Variants in PCDH9 observed in about 807,000 individuals in gnomAD.
The protein encoded by PCDH9 is protocadherin-9.
PCDH9 carries 24 observed loss-of-function variants against 70.6 expected under a neutral mutation model. That is an observed-to-expected ratio of 0.34 (90% confidence interval 0.25 to 0.48). The LOEUF (loss-of-function observed/expected upper bound fraction) is 0.48. Among genes scored for constraint, PCDH9 ranks in the 20% least tolerant of loss-of-function variants. The probability of loss-of-function intolerance (pLI) is 0.99; values close to 1 mark genes in which losing one functional copy is unlikely to be tolerated. For synonymous variants in PCDH9, 562 were observed against 558.5 expected (o/e 1.01, Z -0.09); for missense variants, 1,281 against 1,503.6 (o/e 0.85, Z 2.45).
intron 3 of PCDH9, among the ~76,000 whole-genome samples, chr13:66,678,902 T>C (rs141258136): frequency 6.6e-6 from 1 of 151,578 alleles, no homozygotes; most frequent in African/African-American, 2.4e-5. Context: ...TAGTGAACAC[T>C]CAAAAGAAAA....
chr13:66,408,153 G>A (rs1008584725), intron 4 of PCDH9, among the ~76,000 whole-genome samples: 1 of 149,920 alleles, frequency 6.7e-6, no homozygotes, highest in Non-Finnish European at 1.5e-5. Context: ...CCGCTTCCCG[G>A]GTTCACGCCA....
At chr13:66,948,218 TTA>T (rs1357875156) in intron 2 of PCDH9, among the ~76,000 whole-genome samples, 8 of 152,116 alleles carry the variant, frequency 5.3e-5, no homozygotes, top group Non-Finnish European at 1.2e-4. Flanking sequence ...TTCACAGACT[TTA>T]AACTGTATAA....
intron 3 of PCDH9, among the ~76,000 whole-genome samples, chr13:66,720,471 T>G (rs1226565788): frequency 6.6e-6 from 1 of 151,906 alleles, no homozygotes; most frequent in Non-Finnish European, 1.5e-5. Flanking sequence ...CCTCATTTCC[T>G]AGATTTCATT....
chr13:66,498,720 AT>A (rs1024669748), intron 4 of PCDH9, among the ~76,000 whole-genome samples: 12 of 151,926 alleles, frequency 7.9e-5, no homozygotes, highest in Non-Finnish European at 1.5e-4. Context: ...TCCTGAAAAA[AT>A]TTTTTTTTAA....
chr13:66,532,162 T>C (rs1163127112), intron 4 of PCDH9, among the ~76,000 whole-genome samples: 3 of 145,056 alleles, frequency 2.1e-5, no homozygotes, highest in Non-Finnish European at 4.6e-5. Context: ...AGCTATTTTT[T>C]AGTGGTTTTT....
At chr13:66,991,217 A>G (rs1014419683) in intron 2 of PCDH9, 5 of 152,210 alleles carry the variant, frequency 3.3e-5, no homozygotes, top group Admixed American at 3.3e-4. Context: ...AGCAGGTGTA[A>G]ACCCAATTTT....
chr13:67,151,024 A>G (rs976389169), intron 2 of PCDH9, among the ~76,000 whole-genome samples: 2 of 152,160 alleles, frequency 1.3e-5, no homozygotes, highest in Non-Finnish European at 2.9e-5. Flanking sequence ...AACATGCACC[A>G]TATATGAATT....
At chr13:66,305,624 C>T (rs1036000803) in intron 4 of PCDH9, among the ~76,000 whole-genome samples, 14 of 151,934 alleles carry the variant, frequency 9.2e-5, no homozygotes, top group Non-Finnish European at 1.9e-4. Flanking sequence ...GTTAAATACT[C>T]ATTTTAAAGA....
chr13:67,227,531 C>A lies in PCDH9; in HGVS notation c.910G>T (p.Ala304Ser). The A allele has an allele frequency of 6.2e-7, 1 of 1,613,912 alleles. No homozygotes were observed. The highest frequency in any genetic ancestry group is 8.5e-7 in the Non-Finnish European group (1 of 1,179,826). Residue 304 changes from alanine (A) to serine (S), a missense_variant, in exon 2 of 5, where the codon GCT (alanine) becomes TCT (serine). Around this residue, in one of 4 missense-constraint regions of PCDH9, gnomAD observed 798 missense variants for 1,003.1 expected, o/e 0.80. Coordinates refer to ENST00000377865, the MANE Select transcript of PCDH9 (RefSeq NM_203487.3). This position sits in a 1 kb window ranked among gnomAD's most constrained non-coding sequence, Gnocchi z 4.6. Reference sequence around the variant, plus strand: ...ATCAGCCCAGTAGTATTATTTAAAGCAAAGAGTCTTTTGGTTGCAGGGGCG... The same window carrying A: ...ATCAGCCCAGTAGTATTATTTAAAGAAAAGAGTCTTTTGGTTGCAGGGGCG... ...QVAPATKRLFALNNTTGLITV... is the reference protein window; with the variant it reads ...QVAPATKRLFSLNNTTGLITV...
chr13:66,476,179 G>A (rs1228841786), intron 4 of PCDH9, among the ~76,000 whole-genome samples: 4 of 151,952 alleles, frequency 2.6e-5, no homozygotes, highest in Non-Finnish European at 5.9e-5. Flanking sequence ...AAGCCAAAAA[G>A]TTTGTTTATT....
intron 2 of PCDH9, among the ~76,000 whole-genome samples, chr13:67,007,762 G>T (rs2084380569): frequency 6.6e-6 from 1 of 152,110 alleles, no homozygotes; most frequent in Non-Finnish European, 1.5e-5. Context: ...CAAATCCCAG[G>T]ACTGATGCAT....
chr13:66,949,986 G>A (rs575838435), intron 2 of PCDH9, among the ~76,000 whole-genome samples: 19 of 152,068 alleles, frequency 1.2e-4, no homozygotes, highest in African/African-American at 3.9e-4. Flanking sequence ...ATGTCTTCTA[G>A]GTTCGATATT....
chr13:67,101,184 T>C (rs1453054756), intron 2 of PCDH9, among the ~76,000 whole-genome samples: 2 of 152,228 alleles, frequency 1.3e-5, no homozygotes, highest in African/African-American at 2.4e-5. Context: ...GATTCTCCTA[T>C]AGCTATTGAT....
intron 4 of PCDH9, among the ~76,000 whole-genome samples, chr13:66,479,232 A>G (rs1313027993): frequency 6.6e-6 from 1 of 152,196 alleles, no homozygotes; most frequent in Non-Finnish European, 1.5e-5. Flanking sequence ...CTTTCCAAAT[A>G]TTACTGCTTA....
rs187302833 is a variant in PCDH9 at position 66,919,781 on chromosome 13, G to C, written c.3037-16176C>G. On this transcript the variant is annotated intron_variant, in intron 2 of 4. Coordinates refer to ENST00000377865, the MANE Select transcript of PCDH9 (RefSeq NM_203487.3). Reference sequence around the variant, plus strand: ...CCTCTTCTGCCTGTCAAGGAAGGTGGACAAGAAACTCAAATGAGATAATTA... The same window carrying C: ...CCTCTTCTGCCTGTCAAGGAAGGTGCACAAGAAACTCAAATGAGATAATTA... Among the ~76,000 whole-genome samples the C allele has an allele frequency of 2.1e-3, 322 of 150,996 alleles. 4 individuals are homozygous for C. The highest frequency in any genetic ancestry group is 7.3e-3 in the African/African-American group (303 of 41,374).
At chr13:66,691,714 T>C (rs1306687088) in intron 3 of PCDH9, among the ~76,000 whole-genome samples, 1 of 152,158 alleles carries the variant, frequency 6.6e-6, no homozygotes, top group Non-Finnish European at 1.5e-5. Flanking sequence ...CTATTGAAAT[T>C]GAGCTCTTTA....
intron 2 of PCDH9, among the ~76,000 whole-genome samples, chr13:66,932,615 A>G (rs2082830330): frequency 6.7e-6 from 1 of 148,202 alleles, no homozygotes; most frequent in African/African-American, 2.5e-5. Flanking sequence ...TGGGGGAAAA[A>G]AAAACTTTTT....
At chr13:66,924,798 G>T (rs961116837) in intron 2 of PCDH9, among the ~76,000 whole-genome samples, 3 of 151,712 alleles carry the variant, frequency 2.0e-5, no homozygotes, top group Non-Finnish European at 4.4e-5. Flanking sequence ...GAGTTAGAAT[G>T]TTTAGAATTT....
At chr13:66,477,352 A>G (rs1958750270) in intron 4 of PCDH9, among the ~76,000 whole-genome samples, 2 of 152,192 alleles carry the variant, frequency 1.3e-5, no homozygotes, top group South Asian at 2.1e-4. Flanking sequence ...AAATGGGATC[A>G]TACACATTCA....
Sources: gnomAD v4.1 joint callset for allele counts (sites outside exome capture counted in the v4.1 genomes callset) on GRCh38, gnomAD v4.1.1 for gene constraint, gnomAD v4.1.1 regional missense constraint, Gnocchi (gnomAD v3.1) non-coding constraint, MANE v1.5 for transcripts, NCBI Gene and HGNC (gene_info 2026-07-23, HGNC 2026-07-21) for gene names.